The following THADA variants were observed in gnomAD, a reference collection of about 807,000 sequenced individuals.
THADA encodes THADA armadillo repeat containing.
In THADA, 213 loss-of-function variants were observed where a neutral mutation model predicts 219.8. The ratio of observed to expected loss-of-function variants is 0.97; its 90% confidence interval spans 0.87 to 1.09. The LOEUF (loss-of-function observed/expected upper bound fraction) is 1.09. Among genes scored for constraint, THADA ranks in the 50% least tolerant of loss-of-function variants. THADA has a pLI of 0.00. For synonymous variants in THADA, 1,018 were observed against 828.9 expected, an observed-to-expected ratio of 1.23 and a Z score of -3.92; for missense variants, 2,956 against 2,311.3, an observed-to-expected ratio of 1.28 and a Z score of -5.72.
At chr2:43,440,730 T>C (rs1176529678) in intron 26 of THADA, among the ~76,000 whole-genome samples, 1 of 152,196 alleles carries the variant, frequency 6.6e-6, no homozygotes, top group African/African-American at 2.4e-5. Flanking sequence ...GGTCTGCTAT[T>C]TCTTGGTTGA....
At chr2:43,529,849 G>C (rs1010509623) in intron 21 of THADA, among the ~76,000 whole-genome samples, 1 of 152,148 alleles carries the variant, frequency 6.6e-6, no homozygotes, top group Non-Finnish European at 1.5e-5. Flanking sequence ...AGTTAAACAT[G>C]TCATCATGGG....
At chr2:43,418,791 A>G (rs1558730267) in intron 28 of THADA, among the ~76,000 whole-genome samples, 1 of 152,192 alleles carries the variant, frequency 6.6e-6, no homozygotes, top group Non-Finnish European at 1.5e-5. Context: ...AAGGAGAGAT[A>G]GAAATAACGG....
chr2:43,574,704 T>G lies in THADA; in HGVS notation c.1361A>C (p.Lys454Thr). The G allele has an allele frequency of 6.2e-7, 1 of 1,614,060 alleles. No individual in the cohort carries two copies. The highest frequency in any genetic ancestry group is 1.7e-5 in the Admixed American group (1 of 60,030). Residue 454 changes from lysine (K) to threonine (T), a missense_variant, in exon 11 of 38, where the codon AAG (lysine) becomes ACG (threonine). Coordinates refer to ENST00000405975, the MANE Select transcript of THADA (RefSeq NM_022065.5). ...TACCAAACAACCAAGGCACGTGTAC[T>G]TTCCTTTAATATGCCATTCCAATCG... is the stretch of plus-strand genomic sequence containing the variant. ...LLRLEWHIKG[K>T]YTCLGCLVEC... is the part of the protein sequence containing the mutation.
At chr2:43,590,644 CAA>C (rs768406325) in intron 4 of THADA, among the ~76,000 whole-genome samples, 178 bp downstream of exon 4, 17 of 59,220 alleles carry the variant, frequency 2.9e-4, no homozygotes, top group Admixed American at 2.3e-3. Context: ...GACTCCGTCT[CAA>C]AAAAAAAAAA....
chr2:43,307,561 C>A (rs137932895), intron 31 of THADA, among the ~76,000 whole-genome samples: 32 of 152,358 alleles, frequency 2.1e-4, no homozygotes, highest in African/African-American at 7.5e-4. Flanking sequence ...CCTTGTAACA[C>A]ATGGGACATC....
intron 28 of THADA, among the ~76,000 whole-genome samples, chr2:43,415,100 T>G (rs1226746595): frequency 6.6e-6 from 1 of 152,234 alleles, no homozygotes; most frequent in African/African-American, 2.4e-5. Context: ...TCTATTTATC[T>G]TCCTGTCAAA....
intron 34 of THADA, among the ~76,000 whole-genome samples, chr2:43,288,533 G>A (rs1417341566): frequency 6.6e-6 from 1 of 152,216 alleles, no homozygotes; most frequent in Admixed American, 6.5e-5. Flanking sequence ...TAGATGAAGA[G>A]ACAGATGAAA....
At chr2:43,497,789 G>A (rs1251215370) in intron 25 of THADA, among the ~76,000 whole-genome samples, 1 of 152,122 alleles carries the variant, frequency 6.6e-6, no homozygotes, top group African/African-American at 2.4e-5. Context: ...GGAGGCTGAG[G>A]CAAAAGAATC....
intron 36 of THADA, among the ~76,000 whole-genome samples, chr2:43,239,660 T>C (rs1668414580): frequency 6.6e-6 from 1 of 152,236 alleles, no homozygotes; most frequent in Non-Finnish European, 1.5e-5. Context: ...ACTAAGGCCA[T>C]TGGTCAAGTC....
intron 26 of THADA, among the ~76,000 whole-genome samples, chr2:43,444,309 T>C (rs1681242906): frequency 6.6e-6 from 1 of 152,208 alleles, no homozygotes; most frequent in Non-Finnish European, 1.5e-5. Context: ...TTACACTCTC[T>C]GTGCCTCTCC....
intron 36 of THADA, chr2:43,277,326 G>A (rs370794599): frequency 1.3e-5 from 2 of 152,880 alleles, no homozygotes; most frequent in African/African-American, 4.8e-5. Context: ...CCTGGCCTGA[G>A]CCTGTGTTCT....
intron 26 of THADA, among the ~76,000 whole-genome samples, chr2:43,452,611 T>C (rs1407942328): frequency 6.6e-6 from 1 of 152,126 alleles, no homozygotes; most frequent in East Asian, 1.9e-4. Flanking sequence ...TGTGTCCCCA[T>C]GGTTTGGTTG....
intron 28 of THADA, among the ~76,000 whole-genome samples, chr2:43,426,764 T>C (rs766570914): frequency 2.6e-5 from 4 of 152,198 alleles, no homozygotes; most frequent in Non-Finnish European, 5.9e-5. Flanking sequence ...ACTACATACA[T>C]AAGAAATACT....
chr2:43,425,427 T>G (rs1440641960), intron 28 of THADA, among the ~76,000 whole-genome samples: 1 of 150,070 alleles, frequency 6.7e-6, no homozygotes, highest in Non-Finnish European at 1.5e-5. Flanking sequence ...GCTACTACTG[T>G]CTAGCTTGTT....
chr2:43,512,361 CCTCT>C (rs1446381001), intron 22 of THADA, among the ~76,000 whole-genome samples: 1 of 152,202 alleles, frequency 6.6e-6, no homozygotes, highest in African/African-American at 2.4e-5. Context: ...CAGCTCTGCA[CCTCT>C]CCCAGGCAAG....
intron 36 of THADA, among the ~76,000 whole-genome samples, chr2:43,271,780 A>T (rs1455898636): frequency 1.3e-5 from 2 of 151,828 alleles, no homozygotes; most frequent in Non-Finnish European, 2.9e-5. Context: ...ACGCCCAGCT[A>T]ATTTTTGTAT....
intron 29 of THADA, among the ~76,000 whole-genome samples, chr2:43,396,812 A>G (rs566821001): frequency 4.6e-5 from 7 of 151,998 alleles, no homozygotes; most frequent in Admixed American, 6.6e-5. Flanking sequence ...CCCTGTCTCA[A>G]AAAAAAAGAA....
intron 36 of THADA, among the ~76,000 whole-genome samples, chr2:43,262,330 G>A (rs1163341805): frequency 6.6e-6 from 1 of 152,182 alleles, no homozygotes; most frequent in Non-Finnish European, 1.5e-5. Context: ...CTTTTCATCT[G>A]TTATGAGGAT....
At chr2:43,399,686 G>C (rs1006173339) in intron 28 of THADA, among the ~76,000 whole-genome samples, 37 of 149,080 alleles carry the variant, frequency 2.5e-4, no homozygotes, top group African/African-American at 8.7e-4. Flanking sequence ...AGAGAGCTAT[G>C]GTTACAGTAG....
Sources: gnomAD v4.1 joint callset for allele counts (sites outside exome capture counted in the v4.1 genomes callset) on GRCh38, gnomAD v4.1.1 for gene constraint, MANE v1.5 for transcripts, NCBI Gene and HGNC (gene_info 2026-07-23, HGNC 2026-07-21) for gene names.